TTC28: variants seen among roughly 807,000 people sequenced by gnomAD.
TTC28 encodes the protein tetratricopeptide repeat protein 28.
TTC28 carries 61 observed loss-of-function variants against 198.0 expected under a neutral mutation model. The ratio of observed to expected loss-of-function variants is 0.31; its 90% confidence interval spans 0.25 to 0.38. The LOEUF is 0.38. TTC28 is among the 10% of genes least tolerant of loss of function. TTC28 has a pLI of 1.00. For synonymous variants in TTC28, 1,171 were observed against 1,297.8 expected (o/e 0.90, Z 2.10); for missense variants, 2,678 against 3,164.0 (o/e 0.85, Z 3.69).
At chr22:28,139,812 T>C (rs954269624) in intron 6 of TTC28, among the ~76,000 whole-genome samples, 1 of 152,100 alleles carries the variant, frequency 6.6e-6, no homozygotes, top group Non-Finnish European at 1.5e-5. Context: ...GAAAATCTCT[T>C]TCCCCTCTGA....
chr22:28,559,547 C>A (rs548028842), intron 2 of TTC28, among the ~76,000 whole-genome samples: 1 of 152,316 alleles, frequency 6.6e-6, no homozygotes, highest in South Asian at 2.1e-4. Context: ...CAATATTTAT[C>A]ATTTCTCCCC....
rs956678270 is a variant in TTC28, at chr22:27,983,464, G to A, written c.6203C>T (p.Ala2068Val). The change falls in exon 23 of 23, where the codon GCG becomes GTG. Residue 2068 changes from alanine to valine, a missense_variant. Ala to Val is a moderately conservative substitution (Grantham distance 64, BLOSUM62 0). Transcript: ENST00000397906. ...GFSIISNEPL[A>V]TYQENRNTCF... ...TGTGTTTCGGTTTTCTTGGTAGGTC[G>A]CCAAGGGCTCGTTACTGATGATAGA... is the stretch of plus-strand genomic sequence containing the variant. The A allele has an allele frequency of 2.5e-5, 39 of 1,545,130 alleles. No homozygotes were observed. The highest frequency in any genetic ancestry group is 1.7e-4 in the Middle Eastern group (1 of 5,910).
chr22:28,503,923 T>G (rs561168241), intron 2 of TTC28, among the ~76,000 whole-genome samples: 1 of 152,266 alleles, frequency 6.6e-6, no homozygotes, highest in East Asian at 1.9e-4. Flanking sequence ...TCCTATGGAG[T>G]TGGGCTCATG....
At chr22:28,086,598 A>G (rs1295713200) in intron 12 of TTC28, among the ~76,000 whole-genome samples, 1 of 152,200 alleles carries the variant, frequency 6.6e-6, no homozygotes, top group African/African-American at 2.4e-5. Context: ...ATCACAATTA[A>G]AAGAACTAGA....
intron 12 of TTC28, among the ~76,000 whole-genome samples, chr22:28,046,393 G>C (rs1464314853): frequency 6.6e-6 from 1 of 152,150 alleles, no homozygotes; most frequent in Non-Finnish European, 1.5e-5. Flanking sequence ...CAAACCTTTA[G>C]AGCATGTTAT....
intron 1 of TTC28, among the ~76,000 whole-genome samples, chr22:28,645,039 G>T (rs997087865): frequency 7.2e-5 from 11 of 151,908 alleles, no homozygotes; most frequent in Admixed American, 3.3e-4. Flanking sequence ...CAGCTACTCA[G>T]GAGGCTGAGG....
chr22:28,535,213 C>G (rs2049241140), intron 2 of TTC28, among the ~76,000 whole-genome samples: 1 of 152,094 alleles, frequency 6.6e-6, no homozygotes, highest in Non-Finnish European at 1.5e-5. Flanking sequence ...AACCATATAG[C>G]TTTTGTTTCA....
intron 14 of TTC28, among the ~76,000 whole-genome samples, chr22:28,009,186 G>A (rs1426079725): frequency 1.3e-5 from 2 of 152,172 alleles, no homozygotes; most frequent in African/African-American, 2.4e-5. Flanking sequence ...CGTGGTTCCA[G>A]GAAAGAGCCA....
At chr22:28,139,718 T>C (rs939585777) in intron 6 of TTC28, among the ~76,000 whole-genome samples, 1 of 151,878 alleles carries the variant, frequency 6.6e-6, no homozygotes, top group Non-Finnish European at 1.5e-5. Flanking sequence ...TTTTTTTTTT[T>C]CCTAAACATT....
intron 2 of TTC28, among the ~76,000 whole-genome samples, chr22:28,553,718 G>A (rs1050916284): frequency 8.6e-5 from 13 of 150,996 alleles, no homozygotes; most frequent in African/African-American, 3.2e-4. Flanking sequence ...GTCAGCCCCC[G>A]CCAGGCCAAC....
intron 5 of TTC28, among the ~76,000 whole-genome samples, chr22:28,292,277 T>C (rs981763969): frequency 6.6e-6 from 1 of 152,166 alleles, no homozygotes; most frequent in Non-Finnish European, 1.5e-5. Context: ...AACCTTGGCT[T>C]CTCGGGCTCA....
Position 28,572,346 on chromosome 22 carries a change from T to C in TTC28, c.381+57206A>G, listed in dbSNP as rs568069246. ...AAAAAAGAATTGCTCATAGCAACAC[T>C]GAGAATATTCATGACAGCATTGTTC... On this transcript the variant is annotated intron_variant, in intron 2 of 22. Transcript: ENST00000397906. 6.6e-5 allele frequency among the ~76,000 whole-genome samples: 10 copies of C among 152,246 alleles called. No homozygotes were observed. In the South Asian group the frequency reaches 2.1e-3, roughly 32 times the overall value.
At chr22:28,016,850 C>T (rs970542182) in intron 13 of TTC28, among the ~76,000 whole-genome samples, 21 of 152,342 alleles carry the variant, frequency 1.4e-4, no homozygotes, top group Non-Finnish European at 2.5e-4. Context: ...ACCAAACACC[C>T]GGCCCATCTG....
At chr22:28,257,828 A>G (rs1346359607) in intron 5 of TTC28, among the ~76,000 whole-genome samples, 5 of 147,682 alleles carry the variant, frequency 3.4e-5, no homozygotes, top group African/African-American at 1.0e-4. Flanking sequence ...GCTTTGTCAC[A>G]TAAAAAAGAC....
intron 2 of TTC28, among the ~76,000 whole-genome samples, chr22:28,487,948 T>C (rs936282878): frequency 6.6e-6 from 1 of 152,200 alleles, no homozygotes; most frequent in African/African-American, 2.4e-5. Context: ...TTTTTTCCTT[T>C]CTTGCTTTTA....
At chr22:28,569,628 C>G (rs1191147276) in intron 2 of TTC28, among the ~76,000 whole-genome samples, 1 of 151,968 alleles carries the variant, frequency 6.6e-6, no homozygotes, top group Non-Finnish European at 1.5e-5. Flanking sequence ...CTAGGAAATA[C>G]CATTCTGGAC....
At chr22:28,544,153 G>A (rs2049485696) in intron 2 of TTC28, among the ~76,000 whole-genome samples, 1 of 152,140 alleles carries the variant, frequency 6.6e-6, no homozygotes, top group Admixed American at 6.5e-5. Context: ...CCTGGGAGGA[G>A]GTTGCAGTGA....
intron 5 of TTC28, among the ~76,000 whole-genome samples, chr22:28,217,447 C>T (rs532172086): frequency 3.9e-5 from 6 of 152,064 alleles, no homozygotes; most frequent in South Asian, 2.1e-4. Flanking sequence ...GGAATTGTGG[C>T]GATAGAGGAA....
At chr22:28,111,053 G>A (rs1209601504) in intron 6 of TTC28, among the ~76,000 whole-genome samples, 1 of 151,848 alleles carries the variant, frequency 6.6e-6, no homozygotes, top group Middle Eastern at 3.2e-3. Context: ...ATTGTGTATA[G>A]ACATACATGT....
Sources: allele counts gnomAD v4.1 joint callset (sites outside exome capture counted in the v4.1 genomes callset), GRCh38; gene constraint gnomAD v4.1.1; transcripts MANE v1.5; gene names NCBI Gene and HGNC (gene_info 2026-07-23, HGNC 2026-07-21).